ATP2A3: variants seen among roughly 807,000 people sequenced by gnomAD.
The protein encoded by ATP2A3 is ATPase sarcoplasmic/endoplasmic reticulum Ca2+ transporting 3.
Under a neutral mutation model 106.8 loss-of-function variants are expected in ATP2A3, and 61 were observed. That is an observed-to-expected ratio of 0.57 (90% CI 0.46 to 0.71). The LOEUF (loss-of-function observed/expected upper bound fraction) is 0.71. Ranked by LOEUF, ATP2A3 falls within the 30% of genes least tolerant of loss-of-function variation. ATP2A3 has a pLI of 0.00. For synonymous variants in ATP2A3, 611 were observed against 609.3 expected, an observed-to-expected ratio of 1.00 and a Z score of -0.04; for missense variants, 1,201 against 1,423.5, an observed-to-expected ratio of 0.84 and a Z score of 2.52.
At position 3,953,081 on chromosome 17, in the gene ATP2A3, G is replaced by C. The variant is rs1000102237; in HGVS notation, c.219+266C>G. Among the ~76,000 whole-genome samples the C allele has an allele frequency of 1.3e-5, 2 of 152,184 alleles. No individual in the cohort carries two copies. The highest frequency in any genetic ancestry group is 4.8e-5 in the African/African-American group (2 of 41,436). ...AGGGTACAGCAGGGCGGGGCGGGGG[G>C]CAGATGTGAGTTGGGGAGCTCGCTG... On this transcript the variant is annotated intron_variant, in intron 3 of 20. Transcript: ENST00000397041. This position sits in a 1 kb window ranked among gnomAD's most constrained non-coding sequence, Gnocchi z 5.1.
intron 9 of ATP2A3, 111 bp from the exon 10 acceptor site, chr17:3,944,917 A>AGG (rs146313565): frequency 3.0e-5 from 39 of 1,285,046 alleles, no homozygotes; most frequent in South Asian, 4.4e-5. Flanking sequence ...CGCCCCCAGA[A>AGG]GGGCTCCGCC....
intron 13 of ATP2A3, 25 bp from the exon 14 acceptor site, chr17:3,941,331 C>A (rs1477761634): frequency 6.2e-7 from 1 of 1,613,768 alleles, no homozygotes; most frequent in East Asian, 2.2e-5. Context: ...CAGATTCAAG[C>A]GGGGCCTGAG....
chr17:3,962,545 C>T (rs1307995432), intron 1 of ATP2A3, among the ~76,000 whole-genome samples: 1 of 152,216 alleles, frequency 6.6e-6, no homozygotes, highest in Admixed American at 6.5e-5. Flanking sequence ...CCTCTGTGGA[C>T]CTACACACCA....
In ATP2A3 at chr17:3,941,159, T is replaced by TGCGGCAGATGGCC. The variant is rs1250416087; in HGVS notation, c.1899_1911dup (p.Arg638GlyfsTer26). ...TCCGTGTCCCCAAAGATGCCAAGCCTGCGGCAGATGGCCACGGCAGTGCCT... is the reference window on the plus strand; with the variant it reads ...TCCGTGTCCCCAAAGATGCCAAGCCTGCGGCAGATGGCCGCGGCAGATGGCCACGGCAGTGCCT... On this transcript the variant is annotated frameshift_variant, in exon 14 of 21. Transcript: ENST00000397041. LOFTEE classifies it high-confidence loss of function. 4 of 1,614,018 alleles carry TGCGGCAGATGGCC rather than the reference T, an allele frequency of 2.5e-6. No homozygotes were observed. Among genetic ancestry groups the TGCGGCAGATGGCC allele is most frequent in the African/African-American group, 2.7e-5 (2 of 74,942 alleles).
intron 14 of ATP2A3, among the ~76,000 whole-genome samples, chr17:3,939,998 G>A (rs8078863): frequency 0.19 from 28,250 of 144,986 alleles, 2,986 homozygotes; most frequent in Middle Eastern, 0.28. Flanking sequence ...GGCGTGTGAC[G>A]GAACTTCATG....
rs137902391 is a variant in ATP2A3, at chr17:3,932,592, G to A, written c.2611-2158C>T. Among the ~76,000 whole-genome samples the A allele has an allele frequency of 1.2e-4, 19 of 152,242 alleles. No homozygotes were observed. In the East Asian group the frequency reaches 3.5e-3, roughly 28 times the overall value. On this transcript the variant is annotated intron_variant, in intron 17 of 20. Transcript: ENST00000397041. ...GTAGCTGAGACTCCAGGCCTGAGCC[G>A]TCACTGTTGGCTAAGTTTTGTCTTT...
chr17:3,940,942 C>G (rs753318859), intron 14 of ATP2A3, 29 bp downstream of exon 14: 76 of 1,613,026 alleles, frequency 4.7e-5, no homozygotes, highest in Non-Finnish European at 6.2e-5. Flanking sequence ...CTCATCACCC[C>G]CTCCTGGGGC....
Position 3,955,558 on chromosome 17 carries a change from G to A in ATP2A3, c.119-1848C>T, listed in dbSNP as rs112848965. 2.6e-5 allele frequency among the ~76,000 whole-genome samples: 4 copies of A among 152,164 alleles called. No individual in the cohort carries two copies. The highest frequency in any genetic ancestry group is 4.4e-5 in the Non-Finnish European group (3 of 68,026). ...TTTAGCTGAGGCGAACAGGAAAGGC[G>A]GGGGGAGGGCCAGGACTGGTTTCTG... On this transcript the variant is annotated intron_variant, in intron 1 of 20. Coordinates refer to ENST00000397041, the MANE Select transcript of ATP2A3 (RefSeq NM_005173.4). This position sits in a 1 kb window ranked among gnomAD's most constrained non-coding sequence, Gnocchi z 4.2.
chr17:3,954,535 C>T (rs377362381), intron 1 of ATP2A3, among the ~76,000 whole-genome samples: 12 of 149,878 alleles, frequency 8.0e-5, no homozygotes, highest in South Asian at 4.2e-4. Context: ...CTCGCTCTGT[C>T]GCCCAGGCCA....
chr17:3,932,771 T>C (rs959581414), intron 17 of ATP2A3, among the ~76,000 whole-genome samples: 2 of 151,500 alleles, frequency 1.3e-5, no homozygotes, highest in Non-Finnish European at 1.5e-5. Flanking sequence ...AGGGAAAACC[T>C]CCAGAACTTT....
At position 3,941,261 on chromosome 17, in the gene ATP2A3, G is replaced by A. The variant is rs2053754620; in HGVS notation, c.1810C>T (p.Arg604Ter). Reference sequence around the variant, plus strand: ...GTGATGCAGGCAGCCACCTCAGGTCGCGGCGGGTCCAGCATGCCTACGCAG... The same window carrying A: ...GTGATGCAGGCAGCCACCTCAGGTCACGGCGGGTCCAGCATGCCTACGCAG... ...VGCVGMLDPPRPEVAACITRC... is the reference protein window; with the variant it reads ...VGCVGMLDPP The change falls in exon 14 of 21, where the codon CGA becomes TGA. Residue 604 changes from arginine (R) to a stop codon, truncating the protein, a stop_gained. Transcript: ENST00000397041. LOFTEE classifies it high-confidence loss of function. 1.2e-6 allele frequency: 2 copies of A among 1,613,852 alleles called. No individual in the cohort carries two copies. The highest frequency in any genetic ancestry group is 1.7e-6 in the Non-Finnish European group (2 of 1,179,998).
Position 3,944,917 on chromosome 17 carries a change from AG to A in ATP2A3, c.1185-112del, listed in dbSNP as rs146313565. On this transcript the variant is annotated intron_variant, in intron 9 of 20. Transcript: ENST00000397041. Reference sequence around the variant, plus strand: ...TCCGCCTCTTGGCCCCGCCCCCAGAAGGGCTCCGCCTCCTGGCCCCGCCCCG... The same window carrying A: ...TCCGCCTCTTGGCCCCGCCCCCAGAAGGCTCCGCCTCCTGGCCCCGCCCCG... 1.5e-5 allele frequency: 19 copies of A among 1,285,114 alleles called. No homozygotes were observed. The Admixed American group carries it at 3.4e-4, about 23-fold the overall frequency. The allele number at this position is 1,285,114 out of a possible 1,614,324, so 79.6% of individuals were successfully genotyped here.
chr17:3,960,541 A>G (rs182444600), intron 1 of ATP2A3, among the ~76,000 whole-genome samples: 1 of 152,380 alleles, frequency 6.6e-6, no homozygotes, highest in Non-Finnish European at 1.5e-5. Context: ...CTTTAGCTAC[A>G]GAAAGGACAT....
At position 3,936,579 on chromosome 17, in the gene ATP2A3, C is replaced by T. The variant is rs2053456151; in HGVS notation, c.2322-110G>A. The T allele has an allele frequency of 3.4e-6, 4 of 1,175,064 alleles. No homozygotes were observed. The highest frequency in any genetic ancestry group is 2.7e-4 in the Middle Eastern group (1 of 3,666). 72.8% of individuals were successfully genotyped at this position (1,175,064 alleles called of 1,614,324 possible). On this transcript the variant is annotated intron_variant, in intron 15 of 20. Coordinates refer to ENST00000397041, the MANE Select transcript of ATP2A3 (RefSeq NM_005173.4). The surrounding 1 kb of genome is among the most constrained non-coding windows in gnomAD (Gnocchi z 5.4). ...GGAGCTCACCCACCCACTGTCTCCA[C>T]AGCAGCCCCTCCTCCCTCCGCCAGC... is the stretch of plus-strand genomic sequence containing the variant.
rs924299412 is a variant in ATP2A3 at position 3,955,124 on chromosome 17, C to T, written c.119-1414G>A. On this transcript the variant is annotated intron_variant, in intron 1 of 20. Coordinates refer to ENST00000397041, the MANE Select transcript of ATP2A3 (RefSeq NM_005173.4). This position sits in a 1 kb window ranked among gnomAD's most constrained non-coding sequence, Gnocchi z 4.2. Reference sequence around the variant, plus strand: ...TGTCTCTTGCCACTCAAAGGACAGTCTCCGGACATCTGTGGCATCTCCCCG... The same window carrying T: ...TGTCTCTTGCCACTCAAAGGACAGTTTCCGGACATCTGTGGCATCTCCCCG... Among the ~76,000 whole-genome samples the T allele has an allele frequency of 4.6e-5, 7 of 152,214 alleles. No individual in the cohort carries two copies. Among genetic ancestry groups the T allele is most frequent in the Admixed American group, 1.3e-4 (2 of 15,286 alleles).
At chr17:3,931,206 T>TA (rs2053061139) in intron 17 of ATP2A3, among the ~76,000 whole-genome samples, 1 of 152,130 alleles carries the variant, frequency 6.6e-6, no homozygotes, top group South Asian at 2.1e-4. Context: ...AACTGAACTC[T>TA]ATCAGATCTG....
chr17:3,928,900 C>G lies in ATP2A3; in HGVS notation c.2863-120G>C, dbSNP rs1175194322. 1.4e-6 allele frequency: 1 copy of G among 718,776 alleles called. No homozygotes were observed. The highest frequency in any genetic ancestry group is 1.8e-5 in the African/African-American group (1 of 56,264). The allele number at this position is 718,776 out of a possible 1,614,324, so 44.5% of individuals were successfully genotyped here. On this transcript the variant is annotated intron_variant, in intron 19 of 20. Transcript: ENST00000397041. The surrounding 1 kb of genome is among the most constrained non-coding windows in gnomAD (Gnocchi z 6.1). ...ACTCTTCATGAGCGCTCCTAAGAAC[C>G]CCCTGGATGCACCCCCGATCTTTGT...
At position 3,928,083 on chromosome 17, in the gene ATP2A3, G is replaced by A. The variant is rs762732134; in HGVS notation, c.2980+580C>T. On this transcript the variant is annotated intron_variant, in intron 20 of 20. Coordinates refer to ENST00000397041, the MANE Select transcript of ATP2A3 (RefSeq NM_005173.4). This position sits in a 1 kb window ranked among gnomAD's most constrained non-coding sequence, Gnocchi z 6.1. The stretch of plus-strand genomic sequence containing the variant: ...CCACTCTCAGAGCCCACCTGGCAGA[G>A]GCAGGTGGATGGACCCCATGTCCCA... 6.2e-7 allele frequency: 1 copy of A among 1,612,612 alleles called. No individual in the cohort carries two copies. Among genetic ancestry groups the A allele is most frequent in the South Asian group, 1.1e-5 (1 of 91,038 alleles).
chr17:3,952,029 C>T (rs1191068885), intron 3 of ATP2A3, among the ~76,000 whole-genome samples: 1 of 152,190 alleles, frequency 6.6e-6, no homozygotes, highest in Non-Finnish European at 1.5e-5. Flanking sequence ...TGGGGTCCCT[C>T]CCAGACCTCC....
Sources: allele counts gnomAD v4.1 joint callset (sites outside exome capture counted in the v4.1 genomes callset), GRCh38; gene constraint gnomAD v4.1.1; non-coding constraint Gnocchi (gnomAD v3.1); transcripts MANE v1.5; gene names NCBI Gene and HGNC (gene_info 2026-07-23, HGNC 2026-07-21).